The following DLG2 variants were observed in gnomAD, a reference collection of about 807,000 sequenced individuals.
The protein encoded by DLG2 is discs large MAGUK scaffold protein 2, also known as disks large homolog 2.
In DLG2, 45 loss-of-function variants were observed where a neutral mutation model predicts 132.5. The observed-to-expected ratio is 0.34, with a 90% confidence interval of 0.27 to 0.44. The LOEUF (loss-of-function observed/expected upper bound fraction) is 0.44, where lower values mean the gene tolerates loss of function less well. Ranked by LOEUF, DLG2 falls within the 20% of genes least tolerant of loss-of-function variation. DLG2 has a pLI of 1.00. For synonymous variants in DLG2, 424 were observed against 419.6 expected (o/e 1.01, Z -0.13); for missense variants, 1,045 against 1,196.9 (o/e 0.87, Z 1.87).
chr11:85,244,549 G>A (rs1439836391), intron 4 of DLG2, among the ~76,000 whole-genome samples: 1 of 151,984 alleles, frequency 6.6e-6, no homozygotes, highest in Non-Finnish European at 1.5e-5. Context: ...ATGAATTTGT[G>A]ACAAGGACCA....
At chr11:83,912,912 GA>G (rs2076313575) in intron 15 of DLG2, among the ~76,000 whole-genome samples, 1 of 152,062 alleles carries the variant, frequency 6.6e-6, no homozygotes, top group South Asian at 2.1e-4. Flanking sequence ...AAAGGTTGGG[GA>G]AGAGCTTAAG....
intron 6 of DLG2, among the ~76,000 whole-genome samples, chr11:84,580,382 A>G (rs1329609705): frequency 5.3e-5 from 8 of 152,246 alleles, no homozygotes; most frequent in Admixed American, 3.9e-4. Context: ...TTGTACTTAC[A>G]GTCTTAGTCT....
rs141731068 is a variant in DLG2 at position 83,506,957 on chromosome 11, A to G, written c.2194-22729T>C. Among the ~76,000 whole-genome samples, 42 of 152,244 alleles carry G rather than the reference A, an allele frequency of 2.8e-4. No homozygotes were observed. In the East Asian group the frequency reaches 2.9e-3, roughly 11 times the overall value. On this transcript the variant is annotated intron_variant, in intron 21 of 27. Coordinates refer to ENST00000376104, the MANE Select transcript of DLG2 (RefSeq NM_001142699.3). The stretch of plus-strand genomic sequence containing the variant: ...GGAGATGAGACTCTCACTCAGGGCA[A>G]TCTTAGCAATCTGAGGCTCAGTGTC...
intron 5 of DLG2, among the ~76,000 whole-genome samples, chr11:85,129,756 C>T (rs1293206610): frequency 1.3e-5 from 2 of 152,104 alleles, no homozygotes; most frequent in Non-Finnish European, 2.9e-5. Flanking sequence ...CACATGCACA[C>T]GTATGTTTAT....
chr11:85,261,157 T>C (rs531456183), intron 4 of DLG2, among the ~76,000 whole-genome samples: 2 of 152,244 alleles, frequency 1.3e-5, no homozygotes, highest in East Asian at 3.9e-4. Flanking sequence ...GAGAAGGGGC[T>C]GTCTGCAAAA....
chr11:84,329,159 C>T (rs1450059849), intron 7 of DLG2, among the ~76,000 whole-genome samples: 4 of 152,152 alleles, frequency 2.6e-5, no homozygotes, highest in African/African-American at 4.8e-5. Context: ...AGATCGTAAG[C>T]TCTTCAAAGG....
intron 3 of DLG2, among the ~76,000 whole-genome samples, chr11:85,349,101 CTTTCT>C (rs2083082739): frequency 6.6e-6 from 1 of 152,162 alleles, no homozygotes; most frequent in African/African-American, 2.4e-5. Context: ...TTATAGCTTT[CTTTCT>C]TTGGAATTCA....
chr11:84,179,360 T>C (rs1414023384), intron 8 of DLG2, among the ~76,000 whole-genome samples: 1 of 152,096 alleles, frequency 6.6e-6, no homozygotes, highest in Non-Finnish European at 1.5e-5. Context: ...ACAAGGCAAA[T>C]CACTGTCCCC....
At chr11:84,809,469 T>G (rs530268834) in intron 6 of DLG2, among the ~76,000 whole-genome samples, 6 of 146,018 alleles carry the variant, frequency 4.1e-5, no homozygotes, top group African/African-American at 1.5e-4. Flanking sequence ...AAGAAAGAAA[T>G]AAGACTGTTC....
chr11:84,753,271 C>T (rs114119162), intron 6 of DLG2, among the ~76,000 whole-genome samples: 3,790 of 152,024 alleles, frequency 0.025, 160 homozygotes, highest in African/African-American at 0.087. Context: ...CCTTTCTGGC[C>T]GTTGGATAAA....
At chr11:83,849,236 G>C (rs1267891288) in intron 16 of DLG2, among the ~76,000 whole-genome samples, 1 of 150,328 alleles carries the variant, frequency 6.7e-6, no homozygotes, top group African/African-American at 2.5e-5. Context: ...TGGTTTTTGT[G>C]AGGATTAAAT....
intron 9 of DLG2, among the ~76,000 whole-genome samples, chr11:84,103,841 T>C (rs898421308): frequency 1.3e-5 from 2 of 152,090 alleles, no homozygotes; most frequent in Non-Finnish European, 2.9e-5. Flanking sequence ...AAGAGGAAAA[T>C]AAGTAGTAAT....
rs116116116 is a variant in DLG2, at chr11:85,294,337, A to C, written c.41-8972T>G. On this transcript the variant is annotated intron_variant, in intron 3 of 27. Transcript: ENST00000376104. ...ATAAGTATGGAACTGAGAAATATCCAGTAACATTTGTAAAAAAAAAAAATC... is the reference window on the plus strand; with the variant it reads ...ATAAGTATGGAACTGAGAAATATCCCGTAACATTTGTAAAAAAAAAAAATC... 2.9e-3 allele frequency among the ~76,000 whole-genome samples: 432 copies of C among 149,466 alleles called. 2 individuals carry two copies. The highest frequency in any genetic ancestry group is 0.01 in the African/African-American group (417 of 41,436).
intron 8 of DLG2, among the ~76,000 whole-genome samples, chr11:84,242,524 G>A (rs1236597126): frequency 6.6e-6 from 1 of 151,714 alleles, no homozygotes; most frequent in Non-Finnish European, 1.5e-5. Context: ...TCCTGCCTCA[G>A]CCTCCCAAGT....
At chr11:84,424,086 T>C (rs1220461768) in intron 7 of DLG2, among the ~76,000 whole-genome samples, 1 of 152,088 alleles carries the variant, frequency 6.6e-6, no homozygotes, top group African/African-American at 2.4e-5. Flanking sequence ...GATGCTCTCT[T>C]GGGTAGATAT....
At chr11:85,546,029 C>T (rs1188423826) in intron 3 of DLG2, among the ~76,000 whole-genome samples, 1 of 152,134 alleles carries the variant, frequency 6.6e-6, no homozygotes, top group South Asian at 2.1e-4. Flanking sequence ...TTGGCTTCTG[C>T]TAGCATTTGA....
chr11:84,659,630 C>T (rs1415519832), intron 6 of DLG2, among the ~76,000 whole-genome samples: 2 of 152,088 alleles, frequency 1.3e-5, no homozygotes, highest in South Asian at 4.2e-4. Flanking sequence ...ACTCTTTTTC[C>T]AAATTTCTCA....
intron 14 of DLG2, among the ~76,000 whole-genome samples, chr11:83,947,317 C>T (rs946368309): frequency 1.3e-5 from 2 of 151,876 alleles, no homozygotes; most frequent in Non-Finnish European, 2.9e-5. Flanking sequence ...TACAATTAGG[C>T]CTGGTTTTTG....
intron 6 of DLG2, among the ~76,000 whole-genome samples, chr11:84,983,094 T>C (rs1228517754): frequency 1.3e-5 from 2 of 152,132 alleles, no homozygotes; most frequent in Non-Finnish European, 2.9e-5. Flanking sequence ...TGGACAGTAA[T>C]GCAAATTAAA....
Sources: allele counts gnomAD v4.1 joint callset (sites outside exome capture counted in the v4.1 genomes callset), GRCh38; gene constraint gnomAD v4.1.1; transcripts MANE v1.5; gene names NCBI Gene and HGNC (gene_info 2026-07-23, HGNC 2026-07-21).